OCA2: variants seen among roughly 807,000 people sequenced by gnomAD.
The protein encoded by OCA2 is P protein.
Under a neutral mutation model 100.2 loss-of-function variants are expected in OCA2, and 77 were observed. That is an observed-to-expected ratio of 0.77 (90% CI 0.64 to 0.93). OCA2 has a LOEUF of 0.93. Ranked by LOEUF, OCA2 falls within the 40% of genes least tolerant of loss-of-function variation. The pLI, the probability that OCA2 is intolerant of heterozygous loss-of-function variation, is 0.00. For synonymous variants in OCA2, 432 were observed against 439.2 expected (o/e 0.98, Z 0.21); for missense variants, 1,062 against 1,089.1 (o/e 0.98, Z 0.35).
Position 28,016,146 on chromosome 15 carries a change from C to A in OCA2, c.848G>T (p.Ser283Ile). ...NWTVYLNPRR[S>I]EHSVMSRTFE... ...GGTCCTGCTCATCACTGAGTGCTCG[C>A]TTCTCCTCGGATTTAAATACACCGT... The change falls in exon 8 of 24, where the codon AGC becomes ATC. Residue 283 changes from serine (S) to isoleucine (I), a missense_variant. Transcript: ENST00000354638. 1 of 1,614,200 alleles carries A rather than the reference C, an allele frequency of 6.2e-7. No individual in the cohort carries two copies. Among genetic ancestry groups the A allele is most frequent in the Non-Finnish European group, 8.5e-7 (1 of 1,180,042 alleles).
chr15:27,966,518 C>T (rs2040570973), intron 15 of OCA2, among the ~76,000 whole-genome samples, 172 bp downstream of exon 15: 1 of 152,176 alleles, frequency 6.6e-6, no homozygotes, highest in Admixed American at 6.5e-5. Context: ...AGGCACAGCT[C>T]ATGATAGCAG....
At chr15:28,084,870 C>T (rs1053666016) in intron 1 of OCA2, among the ~76,000 whole-genome samples, 61 of 152,246 alleles carry the variant, frequency 4.0e-4, no homozygotes, top group African/African-American at 1.4e-3. Flanking sequence ...TTTCAGGCAA[C>T]AAGGAGCATC....
intron 23 of OCA2, among the ~76,000 whole-genome samples, chr15:27,825,073 C>A (rs2034663946): frequency 6.6e-6 from 1 of 152,194 alleles, no homozygotes; most frequent in Admixed American, 6.5e-5. Context: ...ATTATCATTA[C>A]ATGACAAAAT....
chr15:27,820,115 T>C (rs963838740), intron 23 of OCA2, among the ~76,000 whole-genome samples: 2 of 118,902 alleles, frequency 1.7e-5, no homozygotes, highest in Non-Finnish European at 1.9e-5. Context: ...AAAATAAATA[T>C]ATGAGAGTCC....
chr15:27,773,247 T>A (rs78158876), intron 23 of OCA2, among the ~76,000 whole-genome samples: 21 of 152,200 alleles, frequency 1.4e-4, no homozygotes, highest in Non-Finnish European at 2.8e-4. Flanking sequence ...GTTTAGGTTT[T>A]GAGTTTTTTA....
chr15:28,057,974 G>C (rs1566849706), intron 2 of OCA2, among the ~76,000 whole-genome samples: 1 of 152,178 alleles, frequency 6.6e-6, no homozygotes, highest in Non-Finnish European at 1.5e-5. Context: ...CAGCCTGCCT[G>C]GTCCTGGCAC....
At chr15:27,974,724 C>T (rs771254533) in intron 14 of OCA2, among the ~76,000 whole-genome samples, 8 of 152,122 alleles carry the variant, frequency 5.3e-5, no homozygotes, top group Non-Finnish European at 1.0e-4. Flanking sequence ...GCCAAGATCA[C>T]GCTACTGCAC....
At chr15:27,951,945 C>G in intron 17 of OCA2, 53 bp from the exon 18 acceptor site, 1 of 1,215,844 alleles carries the variant, frequency 8.2e-7, no homozygotes, top group South Asian at 1.2e-5. Context: ...CTGACTCCTG[C>G]AGCGTGTCAT....
chr15:27,941,389 T>C (rs977653972), intron 18 of OCA2, among the ~76,000 whole-genome samples: 12 of 152,134 alleles, frequency 7.9e-5, no homozygotes, highest in Non-Finnish European at 1.3e-4. Context: ...CCGTCAAAAT[T>C]ATCCAACCTT....
intron 23 of OCA2, among the ~76,000 whole-genome samples, chr15:27,772,880 A>G (rs2031971729): frequency 6.6e-6 from 1 of 151,820 alleles, no homozygotes; most frequent in South Asian, 2.1e-4. Flanking sequence ...GGAGAGAACT[A>G]TATGTCTAAG....
At position 27,979,794 on chromosome 15, in the gene OCA2, G is replaced by A. The variant is rs1174925460; in HGVS notation, c.1503+3551C>T. Among the ~76,000 whole-genome samples, 3 of 151,258 alleles carry A rather than the reference G, an allele frequency of 2.0e-5. No homozygotes were observed. In the East Asian group the frequency reaches 5.8e-4, roughly 29 times the overall value. On this transcript the variant is annotated intron_variant, in intron 14 of 23. Transcript: ENST00000354638. ...GGCTCACTGCAACCTCCGCCTCCTG[G>A]GTTCAAGCAATCCTTCTGCCTCAGC... is the stretch of plus-strand genomic sequence containing the variant.
At chr15:28,032,968 T>A (rs1352356384) in intron 2 of OCA2, among the ~76,000 whole-genome samples, 1 of 151,966 alleles carries the variant, frequency 6.6e-6, no homozygotes, top group Non-Finnish European at 1.5e-5. Context: ...GAGACGACAA[T>A]CAGAATGGCA....
intron 2 of OCA2, among the ~76,000 whole-genome samples, chr15:28,033,441 G>A (rs754803901): frequency 7.2e-5 from 11 of 152,176 alleles, no homozygotes; most frequent in Non-Finnish European, 1.5e-4. Flanking sequence ...ATTCACCTGT[G>A]AGATAGACAA....
At chr15:27,844,630 C>T (rs929840121) in intron 23 of OCA2, among the ~76,000 whole-genome samples, 6 of 152,158 alleles carry the variant, frequency 3.9e-5, no homozygotes, top group African/African-American at 1.4e-4. Context: ...TCCTGAGTAG[C>T]TGGGATTACA....
intron 19 of OCA2, among the ~76,000 whole-genome samples, chr15:27,923,433 A>T (rs1274730620): frequency 7.2e-5 from 11 of 152,202 alleles, no homozygotes; most frequent in Non-Finnish European, 1.5e-5. Flanking sequence ...TTAAGGAATC[A>T]CCACACTGCT....
In OCA2 at chr15:28,032,142, C is replaced by T. The variant is rs2042924013; in HGVS notation, c.249G>A (p.Gln83=). The stretch of plus-strand genomic sequence containing the variant: ...AATCTTTAGACCTGGAGCTGGACAT[C>T]TGGGGCAAAGAAGAGTGAGACCTGA... ...TKGRSHSSLP[Q]MSSSRSKDSC... The change falls in exon 3 of 24, where the codon CAG becomes CAA. Residue 83 remains glutamine, a synonymous_variant. Transcript: ENST00000354638. 1 of 1,613,868 alleles carries T rather than the reference C, an allele frequency of 6.2e-7. No homozygotes were observed.
At chr15:27,923,731 T>G (rs2038947637) in intron 19 of OCA2, among the ~76,000 whole-genome samples, 1 of 152,224 alleles carries the variant, frequency 6.6e-6, no homozygotes. Context: ...GTAAATTTGT[T>G]TAAGTTCCTT....
At chr15:27,898,899 T>G (rs1468826985) in intron 19 of OCA2, among the ~76,000 whole-genome samples, 1 of 152,228 alleles carries the variant, frequency 6.6e-6, no homozygotes. Flanking sequence ...CTAGCATCAA[T>G]TCTATATAAT....
At chr15:27,953,561 T>C (rs1295139716) in intron 17 of OCA2, among the ~76,000 whole-genome samples, 1 of 152,170 alleles carries the variant, frequency 6.6e-6, no homozygotes, top group Non-Finnish European at 1.5e-5. Flanking sequence ...ACTGCAAACC[T>C]TCCCTGAGGT....
Sources: gnomAD v4.1 joint callset for allele counts (sites outside exome capture counted in the v4.1 genomes callset) on GRCh38, gnomAD v4.1.1 for gene constraint, MANE v1.5 for transcripts, NCBI Gene and HGNC (gene_info 2026-07-23, HGNC 2026-07-21) for gene names.